The following ARID1B variants were observed in gnomAD, a reference collection of about 807,000 sequenced individuals.
ARID1B encodes AT-rich interaction domain 1B.
In ARID1B, 30 loss-of-function variants were observed where a neutral mutation model predicts 212.3. The ratio of observed to expected loss-of-function variants is 0.14; its 90% CI spans 0.11 to 0.19. The LOEUF (loss-of-function observed/expected upper bound fraction) is 0.19, where lower values mean the gene tolerates loss of function less well. Among genes scored for constraint, ARID1B ranks in the 10% least tolerant of loss-of-function variants. The pLI, the probability that ARID1B is intolerant of heterozygous loss-of-function variation, is 1.00. For missense variants in ARID1B, 2,891 were observed against 3,204.0 expected (o/e 0.90, Z 2.36); for synonymous variants, 1,402 against 1,301.7 (o/e 1.08, Z -1.66).
chr6:156,924,270 C>T (rs1193663437), intron 3 of ARID1B, among the ~76,000 whole-genome samples: 1 of 152,112 alleles, frequency 6.6e-6, no homozygotes, highest in Admixed American at 6.6e-5. Flanking sequence ...ATTTCTTTTT[C>T]CTTTACAGTT....
intron 4 of ARID1B, among the ~76,000 whole-genome samples, chr6:156,992,648 C>G (rs1428453226): frequency 6.6e-6 from 1 of 152,172 alleles, no homozygotes; most frequent in East Asian, 1.9e-4. Flanking sequence ...GGGGCCTGGG[C>G]ACTGATAAAA....
chr6:157,073,380 A>G (rs913870962), intron 4 of ARID1B, among the ~76,000 whole-genome samples: 7 of 152,120 alleles, frequency 4.6e-5, no homozygotes, highest in Non-Finnish European at 8.8e-5. Flanking sequence ...CTAGGATTAC[A>G]GATGTGAGCC....
chr6:156,990,530 A>G (rs2128403460), intron 4 of ARID1B, among the ~76,000 whole-genome samples: 1 of 152,144 alleles, frequency 6.6e-6, no homozygotes, highest in East Asian at 1.9e-4. Context: ...AATCCCAGCC[A>G]CTCGGGAGGC....
At chr6:157,043,172 C>A (rs1430176450) in intron 4 of ARID1B, among the ~76,000 whole-genome samples, 1 of 152,150 alleles carries the variant, frequency 6.6e-6, no homozygotes, top group Non-Finnish European at 1.5e-5. Context: ...GTCTTCCAAC[C>A]CCCAACTAAC....
Position 156,829,485 on chromosome 6 carries a change from C to T in ARID1B, c.1986+64C>T, listed in dbSNP as rs1489184122. On this transcript the variant is annotated intron_variant, in intron 2 of 19. Coordinates refer to ENST00000636930, the MANE Select transcript of ARID1B (RefSeq NM_001374828.1). ...AGTTTTGTCTTTGCCTTTTGCTGTC[C>T]ACCTAAGATTGATGTTAAAGAGAAT... The T allele has an allele frequency of 6.1e-5, 89 of 1,470,088 alleles. No individual in the cohort carries two copies. The East Asian group carries it at 2.1e-3, about 35-fold the overall frequency. The allele number at this position is 1,470,088 out of a possible 1,614,324, so 91.1% of individuals were successfully genotyped here.
chr6:156,810,127 A>T (rs578221041), intron 1 of ARID1B, among the ~76,000 whole-genome samples: 1 of 152,334 alleles, frequency 6.6e-6, no homozygotes, highest in South Asian at 2.1e-4. Context: ...CAGCTTATAC[A>T]CATGTACTAT....
chr6:157,096,932 G>A (rs1255174231), intron 5 of ARID1B, among the ~76,000 whole-genome samples: 4 of 152,248 alleles, frequency 2.6e-5, no homozygotes, highest in African/African-American at 4.8e-5. Flanking sequence ...AGCAAGGTAA[G>A]CAGGTGCTGG....
At chr6:156,836,552 C>T (rs1783526312) in intron 2 of ARID1B, among the ~76,000 whole-genome samples, 1 of 152,234 alleles carries the variant, frequency 6.6e-6, no homozygotes, top group South Asian at 2.1e-4. Context: ...CTGGGAAAAT[C>T]TGGATCTCAC....
chr6:157,193,047 C>T (rs1216875882), intron 15 of ARID1B, among the ~76,000 whole-genome samples: 2 of 152,190 alleles, frequency 1.3e-5, no homozygotes, highest in Non-Finnish European at 2.9e-5. Context: ...GCCTGTTCAC[C>T]GGCCTGCCTT....
Position 157,210,622 on chromosome 6 carries a change from G to T in ARID1B, c.*2731G>T. On this transcript the variant is annotated 3_prime_UTR_variant, in exon 20 of 20. Transcript: ENST00000636930. The stretch of plus-strand genomic sequence containing the variant: ...CATCTTGCCTATAAACTGAGTTATT[G>T]CTTTGTCCTAAAAATTAGTCGGTTT... 4.4e-6 allele frequency: 1 copy of T among 228,164 alleles called. No individual in the cohort carries two copies. The allele number at this position is 228,164 out of a possible 1,614,324, so 14.1% of individuals were successfully genotyped here.
At chr6:157,123,769 T>C (rs949463871) in intron 6 of ARID1B, among the ~76,000 whole-genome samples, 2 of 152,246 alleles carry the variant, frequency 1.3e-5, no homozygotes, top group Non-Finnish European at 2.9e-5. Flanking sequence ...ATTAAACCTC[T>C]AGTGTGTGCA....
intron 1 of ARID1B, among the ~76,000 whole-genome samples, chr6:156,826,550 A>G (rs1470890302): frequency 2.0e-5 from 3 of 152,142 alleles, no homozygotes; most frequent in Non-Finnish European, 4.4e-5. Context: ...ACACCAGAGT[A>G]TTGAGGAAGG....
At chr6:157,022,740 C>T (rs1583166123) in intron 4 of ARID1B, 1 of 141,594 alleles carries the variant, frequency 7.1e-6, no homozygotes, top group Non-Finnish European at 1.5e-5. Flanking sequence ...GTTGATAATT[C>T]TTATGCAGAT....
At chr6:156,929,508 G>T (rs1791522877) in intron 3 of ARID1B, among the ~76,000 whole-genome samples, 1 of 152,096 alleles carries the variant, frequency 6.6e-6, no homozygotes, top group Admixed American at 6.5e-5. Flanking sequence ...TTACGATTTG[G>T]AATTGGTGAT....
intron 2 of ARID1B, among the ~76,000 whole-genome samples, chr6:156,896,672 A>G (rs556709336): frequency 2.6e-5 from 4 of 151,750 alleles, no homozygotes; most frequent in African/African-American, 9.7e-5. Flanking sequence ...CGAGGTCAAG[A>G]GATCGATACC....
At chr6:157,195,992 CAG>C in intron 15 of ARID1B, 171 bp from the exon 16 acceptor site, 2 of 672,562 alleles carry the variant, frequency 3.0e-6, no homozygotes, top group South Asian at 4.4e-5. Flanking sequence ...ACCCGGGAGG[CAG>C]AGGTTGCAGT....
Position 156,901,223 on chromosome 6 carries a change from C to T in ARID1B, c.1987-153C>T, listed in dbSNP as rs562681194. The T allele has an allele frequency of 1.4e-5, 12 of 856,748 alleles. 1 individual carries two copies. Among genetic ancestry groups the T allele is most frequent in the African/African-American group, 5.0e-5 (3 of 59,892 alleles). 53.1% of individuals were successfully genotyped at this position (856,748 alleles called of 1,614,324 possible). A position where few individuals can be genotyped will look rare whatever the true frequency, so the allele number is the denominator to read the frequency against. On this transcript the variant is annotated intron_variant, in intron 2 of 19. Coordinates refer to ENST00000636930, the MANE Select transcript of ARID1B (RefSeq NM_001374828.1). ...TTTATAGTATGTGAATAGAAAGCAG[C>T]GTGTCGATTTGTTTAAGGAAGAGAG...
intron 4 of ARID1B, among the ~76,000 whole-genome samples, chr6:157,065,400 A>T (rs1188008331): frequency 6.6e-6 from 1 of 152,210 alleles, no homozygotes; most frequent in Admixed American, 6.5e-5. Flanking sequence ...AATATAAATG[A>T]TGATGATATT....
intron 3 of ARID1B, among the ~76,000 whole-genome samples, chr6:156,925,953 A>G (rs1325334423): frequency 6.6e-6 from 1 of 152,204 alleles, no homozygotes; most frequent in African/African-American, 2.4e-5. Flanking sequence ...GCCACCCAGT[A>G]TGGCTGGTGG....
Sources: gnomAD v4.1 joint callset for allele counts (sites outside exome capture counted in the v4.1 genomes callset) on GRCh38, gnomAD v4.1.1 for gene constraint, MANE v1.5 for transcripts, NCBI Gene and HGNC (gene_info 2026-07-23, HGNC 2026-07-21) for gene names.